Variants in TBC1D32 observed in about 807,000 individuals in gnomAD.
TBC1D32 encodes the protein protein broad-minded.
TBC1D32 carries 151 observed loss-of-function variants against 170.3 expected under a neutral mutation model. That is an observed-to-expected ratio of 0.89 (90% CI 0.78 to 1.01). The LOEUF is 1.01. TBC1D32 is among the 50% of genes least tolerant of loss of function. The pLI, the probability that TBC1D32 is intolerant of heterozygous loss-of-function variation, is 0.00. For synonymous variants in TBC1D32, 498 were observed against 488.0 expected, an observed-to-expected ratio of 1.02 and a Z score of -0.27; for missense variants, 1,464 against 1,457.1, an observed-to-expected ratio of 1.00 and a Z score of -0.08.
chr6:121,238,348 T>TG (rs1476738720), intron 20 of TBC1D32, among the ~76,000 whole-genome samples: 1 of 152,160 alleles, frequency 6.6e-6, no homozygotes, highest in Non-Finnish European at 1.5e-5. Flanking sequence ...GTCATTTCAA[T>TG]GCTTTTAGCT....
chr6:121,294,003 A>G (rs1291222446), intron 11 of TBC1D32, among the ~76,000 whole-genome samples: 1 of 151,930 alleles, frequency 6.6e-6, no homozygotes, highest in East Asian at 1.9e-4. Context: ...TAGGAGTAAA[A>G]ATAATGTTGT....
upstream of TBC1D32, chr6:121,334,512 C>T (rs1381911267): frequency 3.4e-6 from 5 of 1,471,854 alleles, no homozygotes; most frequent in African/African-American, 7.1e-5. Flanking sequence ...CGCACCCCCA[C>T]CCAGCCCCGG....
At chr6:121,275,974 C>G (rs941394458) in intron 15 of TBC1D32, among the ~76,000 whole-genome samples, 1 of 151,738 alleles carries the variant, frequency 6.6e-6, no homozygotes, top group African/African-American at 2.4e-5. Context: ...AAAAAATTAA[C>G]CGGGCAAGGT....
intron 24 of TBC1D32, among the ~76,000 whole-genome samples, chr6:121,132,630 G>T (rs1484457475): frequency 6.6e-6 from 1 of 151,892 alleles, no homozygotes; most frequent in African/African-American, 2.4e-5. Context: ...TTAATTCTCA[G>T]ATTCTGCTGG....
At chr6:121,216,003 G>A (rs1793776540) in intron 21 of TBC1D32, among the ~76,000 whole-genome samples, 2 of 152,344 alleles carry the variant, frequency 1.3e-5, no homozygotes, top group Admixed American at 1.3e-4. Flanking sequence ...CCATTACTGG[G>A]TGTGATGGTT....
chr6:121,106,410 TTAA>T (rs1778690883), intron 29 of TBC1D32, among the ~76,000 whole-genome samples: 1 of 151,856 alleles, frequency 6.6e-6, no homozygotes, highest in Admixed American at 6.6e-5. Context: ...AGGAAAAAAG[TTAA>T]TAATTTATAA....
At chr6:121,282,056 ATTT>A (rs1326901913) in intron 13 of TBC1D32, among the ~76,000 whole-genome samples, 4 of 151,786 alleles carry the variant, frequency 2.6e-5, no homozygotes, top group Admixed American at 6.6e-5. Context: ...CCATACTCAT[ATTT>A]ATTTTTTCTT....
chr6:121,279,464 AT>A (rs1200824916), intron 14 of TBC1D32, among the ~76,000 whole-genome samples: 1 of 151,860 alleles, frequency 6.6e-6, no homozygotes, highest in Non-Finnish European at 1.5e-5. Flanking sequence ...ATAAATACAG[AT>A]TTTTTTTCAC....
At chr6:121,257,916 G>A (rs947623126) in intron 15 of TBC1D32, among the ~76,000 whole-genome samples, 7 of 152,152 alleles carry the variant, frequency 4.6e-5, no homozygotes, top group Non-Finnish European at 1.0e-4. Context: ...TCCTGGCCCA[G>A]ACCCAGAATC....
At chr6:121,239,251 G>T (rs1286449652) in intron 19 of TBC1D32, 63 bp from the exon 20 acceptor site, 2 of 959,628 alleles carry the variant, frequency 2.1e-6, no homozygotes, top group African/African-American at 3.2e-5. Context: ...ATGAAGGAAA[G>T]ATATGATGAT....
chr6:121,126,791 T>G (rs1453420632), intron 25 of TBC1D32, among the ~76,000 whole-genome samples: 1 of 152,114 alleles, frequency 6.6e-6, no homozygotes, highest in Admixed American at 6.5e-5. Flanking sequence ...TACCTTACCT[T>G]TGTTCTTTAT....
chr6:121,256,541 C>A (rs1016975377), intron 15 of TBC1D32, among the ~76,000 whole-genome samples: 41 of 152,120 alleles, frequency 2.7e-4, no homozygotes, highest in African/African-American at 9.7e-4. Context: ...GCATTGAGAC[C>A]ACAGCCATGT....
chr6:121,183,036 C>CTG (rs55884801), intron 22 of TBC1D32, among the ~76,000 whole-genome samples: 130,296 of 149,090 alleles, frequency 0.87, 56,789 homozygotes, highest in Non-Finnish European at 0.92. Flanking sequence ...AAGAGACAGA[C>CTG]TGTGTGTGTG....
intron 29 of TBC1D32, among the ~76,000 whole-genome samples, chr6:121,110,957 T>C (rs1468486116): frequency 6.6e-6 from 1 of 151,926 alleles, no homozygotes; most frequent in Non-Finnish European, 1.5e-5. Context: ...AAAGAAAAAA[T>C]GATGCTATGG....
intron 24 of TBC1D32, among the ~76,000 whole-genome samples, chr6:121,134,959 G>C (rs1562599373): frequency 6.9e-6 from 1 of 144,042 alleles, no homozygotes; most frequent in Non-Finnish European, 1.5e-5. Flanking sequence ...CAGAGACAAA[G>C]GCCCCCCTGA....
At chr6:121,214,844 A>C (rs1793610867) in intron 21 of TBC1D32, among the ~76,000 whole-genome samples, 1 of 152,144 alleles carries the variant, frequency 6.6e-6, no homozygotes, top group Admixed American at 6.5e-5. Context: ...CACATCCAGG[A>C]AGAATGAGGT....
chr6:121,225,403 G>A (rs939621974), intron 20 of TBC1D32, among the ~76,000 whole-genome samples: 4 of 151,788 alleles, frequency 2.6e-5, no homozygotes, highest in African/African-American at 9.7e-5. Flanking sequence ...TTTATTTTAT[G>A]TTTAAAGAAT....
chr6:121,281,752 G>T, intron 13 of TBC1D32, 66 bp from the exon 14 acceptor site: 1 of 1,305,274 alleles, frequency 7.7e-7, no homozygotes, highest in Non-Finnish European at 1.0e-6. Flanking sequence ...TATGTTAGCT[G>T]TTGTTGTTCC....
At chr6:121,170,512 T>C in intron 22 of TBC1D32, 6 of 1,587,856 alleles carry the variant, frequency 3.8e-6, no homozygotes, top group Non-Finnish European at 4.3e-6. Context: ...GATCACAGCA[T>C]ATCACACTTA....
Sources: allele counts gnomAD v4.1 joint callset (sites outside exome capture counted in the v4.1 genomes callset), GRCh38; gene constraint gnomAD v4.1.1; transcripts MANE v1.5; gene names NCBI Gene and HGNC (gene_info 2026-07-23, HGNC 2026-07-21).